Variants in RLF observed in about 807,000 individuals in gnomAD.
The protein encoded by RLF is zinc finger protein Rlf.
In RLF, 7 loss-of-function variants were observed where a neutral mutation model predicts 162.9. That is an observed-to-expected ratio of 0.04 (90% CI 0.02 to 0.08). The LOEUF is 0.08. Ranked by LOEUF, RLF falls within the 10% of genes least tolerant of loss-of-function variation. RLF has a pLI of 1.00. For synonymous variants in RLF, 782 were observed against 791.5 expected, an observed-to-expected ratio of 0.99 and a Z score of 0.20; for missense variants, 1,664 against 2,244.7, an observed-to-expected ratio of 0.74 and a Z score of 5.23.
chr1:40,193,747 A>G (rs1268383673), intron 3 of RLF, among the ~76,000 whole-genome samples: 1 of 152,062 alleles, frequency 6.6e-6, no homozygotes, highest in Non-Finnish European at 1.5e-5. Context: ...AAAATAATGC[A>G]ACATATTGGG....
chr1:40,203,457 C>A (rs533468252), intron 5 of RLF, among the ~76,000 whole-genome samples: 9 of 151,740 alleles, frequency 5.9e-5, no homozygotes, highest in Non-Finnish European at 7.4e-5. Flanking sequence ...GCAGGAAAAT[C>A]GCTTGAACCC....
intron 5 of RLF, among the ~76,000 whole-genome samples, chr1:40,221,972 ATTTGTTTTTTG>A (rs1018787557): frequency 5.3e-5 from 8 of 149,688 alleles, no homozygotes; most frequent in East Asian, 1.9e-4. Flanking sequence ...GAGGATTTTT[ATTTGTTTTTTG>A]TTTGTTTTTT....
chr1:40,240,666 A>T lies in RLF; in HGVS notation c.*219A>T, dbSNP rs550790271. On this transcript the variant is annotated 3_prime_UTR_variant, in exon 8 of 8. Coordinates refer to ENST00000372771, the MANE Select transcript of RLF (RefSeq NM_012421.4). The stretch of plus-strand genomic sequence containing the variant: ...GTTTATTTTTGTTTGTTTGTTTATT[A>T]AAAAAATGGAACTGTACACTTGTTT... The T allele has an allele frequency of 4.4e-5, 22 of 500,288 alleles. No individual in the cohort carries two copies. Among genetic ancestry groups the T allele is most frequent in the East Asian group, 2.7e-4 (8 of 29,370 alleles). The allele number at this position is 500,288 out of a possible 1,614,324, so 31.0% of individuals were successfully genotyped here.
At chr1:40,205,119 C>T (rs1642772502) in intron 5 of RLF, among the ~76,000 whole-genome samples, 1 of 152,178 alleles carries the variant, frequency 6.6e-6, no homozygotes, top group African/African-American at 2.4e-5. Context: ...ATAACCACCC[C>T]ATTGGCATTT....
intron 5 of RLF, among the ~76,000 whole-genome samples, chr1:40,217,569 C>T (rs1392126711): frequency 6.6e-6 from 1 of 152,032 alleles, no homozygotes; most frequent in East Asian, 1.9e-4. Flanking sequence ...GTCAGGAGTT[C>T]GAGACCAGCC....
At chr1:40,168,571 C>A (rs1642197293) in intron 1 of RLF, among the ~76,000 whole-genome samples, 1 of 152,122 alleles carries the variant, frequency 6.6e-6, no homozygotes, top group Admixed American at 6.5e-5. Flanking sequence ...TTTTTGTCAA[C>A]CAGTTTATCC....
intron 4 of RLF, among the ~76,000 whole-genome samples, chr1:40,201,009 A>G: frequency 1.0e-5 from 1 of 98,404 alleles, no homozygotes; most frequent in South Asian, 3.6e-4. Flanking sequence ...CTTAGTATAA[A>G]CCATTGCTAC....
At chr1:40,163,974 C>T (rs1642132754) in intron 1 of RLF, among the ~76,000 whole-genome samples, 1 of 152,074 alleles carries the variant, frequency 6.6e-6, no homozygotes, top group Non-Finnish European at 1.5e-5. Flanking sequence ...AAATTTTCAC[C>T]ATCAGTAAAT....
chr1:40,201,593 T>C (rs1328810522), intron 4 of RLF, among the ~76,000 whole-genome samples: 11 of 131,866 alleles, frequency 8.3e-5, no homozygotes, highest in African/African-American at 3.2e-4. Flanking sequence ...GCCACGGCAC[T>C]CCAGCCTGGG....
intron 7 of RLF, among the ~76,000 whole-genome samples, chr1:40,234,927 G>A (rs1643197800): frequency 6.6e-6 from 1 of 151,982 alleles, no homozygotes; most frequent in Admixed American, 6.6e-5. Flanking sequence ...TTTTTTCCCT[G>A]GAAAGCTGAG....
chr1:40,168,682 C>T (rs1642198347), intron 1 of RLF, among the ~76,000 whole-genome samples: 1 of 152,016 alleles, frequency 6.6e-6, no homozygotes, highest in African/African-American at 2.4e-5. Context: ...ATATAAAATG[C>T]ATTAAATTTT....
chr1:40,194,043 A>G (rs1245132592), intron 3 of RLF, among the ~76,000 whole-genome samples: 1 of 152,232 alleles, frequency 6.6e-6, no homozygotes, highest in Non-Finnish European at 1.5e-5. Flanking sequence ...AATAGAGGAC[A>G]GTGAAACATA....
At chr1:40,171,926 A>AT (rs1489095263) in intron 1 of RLF, among the ~76,000 whole-genome samples, 4 of 152,154 alleles carry the variant, frequency 2.6e-5, no homozygotes, top group Non-Finnish European at 5.9e-5. Context: ...TTAGGAATGC[A>AT]TATCTATAGA....
At chr1:40,207,606 T>C (rs1642813142) in intron 5 of RLF, among the ~76,000 whole-genome samples, 1 of 152,118 alleles carries the variant, frequency 6.6e-6, no homozygotes, top group South Asian at 2.1e-4. Flanking sequence ...TTTTATCAGA[T>C]TTTTTTGTTG....
At chr1:40,173,499 C>T (rs973687207) in intron 1 of RLF, among the ~76,000 whole-genome samples, 2 of 150,024 alleles carry the variant, frequency 1.3e-5, no homozygotes, top group Non-Finnish European at 2.9e-5. Context: ...TTTGTCCAAT[C>T]ATTATGATCA....
chr1:40,199,745 A>G (rs1642686211), intron 4 of RLF, among the ~76,000 whole-genome samples: 1 of 152,184 alleles, frequency 6.6e-6, no homozygotes, highest in Non-Finnish European at 1.5e-5. Context: ...TTACAACCTC[A>G]TATGGCAGGT....
Position 40,161,701 on chromosome 1 carries a change from C to T in RLF, c.237+65C>T, listed in dbSNP as rs1299389048. 17 of 1,574,444 alleles carry T rather than the reference C, an allele frequency of 1.1e-5. No homozygotes were observed. The East Asian group carries it at 3.3e-4, about 30-fold the overall frequency. ...GAAGTCAGGGAAGGAGGCCCTGGATCCTCTGTAAGCAGCCGGGTCCAAACT... is the reference window on the plus strand; with the variant it reads ...GAAGTCAGGGAAGGAGGCCCTGGATTCTCTGTAAGCAGCCGGGTCCAAACT... On this transcript the variant is annotated intron_variant, in intron 1 of 7. Transcript: ENST00000372771. The surrounding 1 kb of genome is among the most constrained non-coding windows in gnomAD (Gnocchi z 4.4).
At chr1:40,221,483 C>G (rs1190528725) in intron 5 of RLF, among the ~76,000 whole-genome samples, 4 of 151,962 alleles carry the variant, frequency 2.6e-5, no homozygotes. Context: ...TTGAGCTGAG[C>G]TTTAAAAAAA....
At chr1:40,162,753 T>C (rs1298159622) in intron 1 of RLF, among the ~76,000 whole-genome samples, 1 of 152,250 alleles carries the variant, frequency 6.6e-6, no homozygotes, top group African/African-American at 2.4e-5. Flanking sequence ...TCCTTACTAA[T>C]CTTTTCCGTG....
Sources: allele counts gnomAD v4.1 joint callset (sites outside exome capture counted in the v4.1 genomes callset), GRCh38; gene constraint gnomAD v4.1.1; non-coding constraint Gnocchi (gnomAD v3.1); transcripts MANE v1.5; gene names NCBI Gene and HGNC (gene_info 2026-07-23, HGNC 2026-07-21).